The following DCAF5 variants were observed in gnomAD, a reference collection of about 807,000 sequenced individuals.
DCAF5 encodes the protein DDB1 and CUL4 associated factor 5.
A neutral mutation model predicts 80.7 loss-of-function variants in DCAF5; 9 were observed. That is an observed-to-expected ratio of 0.11 (90% CI 0.07 to 0.19). The LOEUF (loss-of-function observed/expected upper bound fraction) is 0.19. Ranked by LOEUF, DCAF5 falls within the 10% of genes least tolerant of loss-of-function variation. DCAF5 has a pLI of 1.00. For missense variants in DCAF5, 842 were observed against 1,205.7 expected (o/e 0.70, Z 4.47); for synonymous variants, 433 against 461.9 (o/e 0.94, Z 0.80).
At chr14:69,091,148 G>A (rs1420663171) in intron 6 of DCAF5, 7 of 745,160 alleles carry the variant, frequency 9.4e-6, no homozygotes, top group Admixed American at 5.3e-5. Context: ...TCCATTTCCA[G>A]TTGTGATGCT....
chr14:69,136,086 C>G (rs957727944), intron 1 of DCAF5, among the ~76,000 whole-genome samples: 3 of 151,110 alleles, frequency 2.0e-5, no homozygotes, highest in African/African-American at 7.3e-5. Flanking sequence ...ACATGCTCTT[C>G]CCTTTTATAA....
intron 7 of DCAF5, among the ~76,000 whole-genome samples, chr14:69,074,757 G>A (rs566581167): frequency 3.9e-5 from 6 of 152,276 alleles, no homozygotes; most frequent in African/African-American, 1.4e-4. Flanking sequence ...GTGTGGGCTG[G>A]GTGCGGTGGC....
At chr14:69,093,637 T>A (rs1424870315) in intron 5 of DCAF5, among the ~76,000 whole-genome samples, 2 of 152,176 alleles carry the variant, frequency 1.3e-5, no homozygotes, top group African/African-American at 4.8e-5. Flanking sequence ...CCAACCTAGC[T>A]TGGTCACAAA....
intron 1 of DCAF5, among the ~76,000 whole-genome samples, chr14:69,151,596 C>A (rs916099459): frequency 5.3e-5 from 8 of 152,104 alleles, no homozygotes; most frequent in Non-Finnish European, 1.0e-4. Context: ...GCCGTCTTCA[C>A]CCCCCCTCCC....
intron 5 of DCAF5, among the ~76,000 whole-genome samples, chr14:69,105,929 A>ATATATATATATATATATATATATC (rs1457390784): frequency 7.2e-5 from 6 of 83,014 alleles, no homozygotes; most frequent in Non-Finnish European, 1.5e-4. Flanking sequence ...ATATATATAT[A>ATATATATATATATATATATATATC]TATATATATA....
chr14:69,118,028 T>C lies in DCAF5; in HGVS notation c.535+111A>G, dbSNP rs1005250242. The C allele has an allele frequency of 6.5e-5, 94 of 1,449,404 alleles. No individual in the cohort carries two copies. The highest frequency in any genetic ancestry group is 8.1e-5 in the Non-Finnish European group (85 of 1,050,452). 89.8% of individuals were successfully genotyped at this position (1,449,404 alleles called of 1,614,324 possible). A position where few individuals can be genotyped will look rare whatever the true frequency, so the allele number is the denominator to read the frequency against. ...CCCATGTGAGTGTTTCACATTTCCT[T>C]TCCCTTGACATCACTTGCACATAGA... On this transcript the variant is annotated intron_variant, in intron 4 of 8. Transcript: ENST00000341516. The surrounding 1 kb of genome is among the most constrained non-coding windows in gnomAD (Gnocchi z 4.0).
At chr14:69,110,876 C>CA (rs35812611) in intron 5 of DCAF5, among the ~76,000 whole-genome samples, 2,318 of 45,508 alleles carry the variant, frequency 0.051, 443 homozygotes, top group African/African-American at 0.16. Context: ...GACCCTGTCT[C>CA]AAAAAAAAAA....
At chr14:69,109,971 T>C (rs2040298607) in intron 5 of DCAF5, among the ~76,000 whole-genome samples, 1 of 152,194 alleles carries the variant, frequency 6.6e-6, no homozygotes, top group Non-Finnish European at 1.5e-5. Context: ...CATACCCTTG[T>C]TAACACCTAA....
At chr14:69,096,130 G>T (rs2039704378) in intron 5 of DCAF5, among the ~76,000 whole-genome samples, 1 of 152,314 alleles carries the variant, frequency 6.6e-6, no homozygotes, top group African/African-American at 2.4e-5. Context: ...AGCAAGTTCA[G>T]GGAGTCACAG....
intron 1 of DCAF5, among the ~76,000 whole-genome samples, chr14:69,132,897 T>C (rs1458211173): frequency 6.6e-6 from 1 of 152,250 alleles, no homozygotes; most frequent in African/African-American, 2.4e-5. Flanking sequence ...CTCTAAATTA[T>C]AGTCCTCCCA....
At chr14:69,149,861 T>C (rs978794329) in intron 1 of DCAF5, among the ~76,000 whole-genome samples, 2 of 152,230 alleles carry the variant, frequency 1.3e-5, no homozygotes, top group Non-Finnish European at 2.9e-5. Flanking sequence ...ACTCAGGTGT[T>C]GACTGCTAAT....
chr14:69,059,878 C>T (rs1285516999), intron 8 of DCAF5, among the ~76,000 whole-genome samples: 1 of 152,214 alleles, frequency 6.6e-6, no homozygotes, highest in Non-Finnish European at 1.5e-5. Flanking sequence ...CAGTGAGCTC[C>T]ATAGTTCAGT....
Position 69,152,747 on chromosome 14 carries a change from G to A in DCAF5, c.214+18C>T, listed in dbSNP as rs748162284. The A allele has an allele frequency of 1.0e-5, 16 of 1,606,124 alleles. No homozygotes were observed. In the African/African-American group the frequency reaches 1.6e-4, roughly 16 times the overall value. On this transcript the variant is annotated intron_variant, in intron 1 of 8. Coordinates refer to ENST00000341516, the MANE Select transcript of DCAF5 (RefSeq NM_003861.3). The surrounding 1 kb of genome is among the most constrained non-coding windows in gnomAD (Gnocchi z 4.1). The stretch of plus-strand genomic sequence containing the variant: ...GAGGGTGCGGGGAGGCGCGGGGAGG[G>A]GAAGGGGGTTGATTTACCTGAGACC...
In DCAF5 at chr14:69,150,588, A is replaced by AT. The variant is rs1266670511; in HGVS notation, c.214+2176dup. Among the ~76,000 whole-genome samples the AT allele has an allele frequency of 5.9e-5, 9 of 152,050 alleles. No homozygotes were observed. In the East Asian group the frequency reaches 1.2e-3, roughly 20 times the overall value. On this transcript the variant is annotated intron_variant, in intron 1 of 8. Coordinates refer to ENST00000341516, the MANE Select transcript of DCAF5 (RefSeq NM_003861.3). ...TGGAAATTATCTCAATAAATTTGTT[A>AT]TTTTTTTTAAAGTGTGAGCTAGGCA...
At chr14:69,135,625 C>A (rs1422362944) in intron 1 of DCAF5, among the ~76,000 whole-genome samples, 2 of 152,034 alleles carry the variant, frequency 1.3e-5, no homozygotes, top group Non-Finnish European at 2.9e-5. Flanking sequence ...ATAAGATGAG[C>A]CTGTCACCTC....
intron 5 of DCAF5, among the ~76,000 whole-genome samples, chr14:69,095,251 G>C (rs150158627): frequency 4.3e-4 from 66 of 152,274 alleles, no homozygotes; most frequent in African/African-American, 1.5e-3. Context: ...TACTCCTTCA[G>C]AGAAGTGGCC....
chr14:69,091,795 C>T lies in DCAF5; in HGVS notation c.758G>A (p.Arg253Gln). 2 of 1,614,142 alleles carry T rather than the reference C, an allele frequency of 1.2e-6. No individual in the cohort carries two copies. The highest frequency in any genetic ancestry group is 1.7e-6 in the Non-Finnish European group (2 of 1,180,020). ...GTCATAGAGCACAGGGGGCAGGCGT[C>T]GCCTCAGGGCCAGGAGCTGGGTCCC... ...SNGTQLLALR[R>Q]RLPPVLYDIH... Residue 253 changes from arginine to glutamine, a missense_variant, in exon 6 of 9, where the codon CGA becomes CAA. Arg to Gln is a conservative substitution (Grantham distance 43, BLOSUM62 1). Transcript: ENST00000341516.
At chr14:69,136,491 TACAC>T (rs1012099956) in intron 1 of DCAF5, among the ~76,000 whole-genome samples, 17 of 152,196 alleles carry the variant, frequency 1.1e-4, no homozygotes, top group African/African-American at 4.1e-4. Flanking sequence ...TTATGACAGA[TACAC>T]ACAGATTTGA....
At chr14:69,080,328 A>G (rs1435115306) in intron 6 of DCAF5, among the ~76,000 whole-genome samples, 1 of 152,158 alleles carries the variant, frequency 6.6e-6, no homozygotes, top group East Asian at 1.9e-4. Flanking sequence ...CTGCAGGTCT[A>G]GGCGGGCCAT....
Sources: allele counts gnomAD v4.1 joint callset (sites outside exome capture counted in the v4.1 genomes callset), GRCh38; gene constraint gnomAD v4.1.1; non-coding constraint Gnocchi (gnomAD v3.1); transcripts MANE v1.5; gene names NCBI Gene and HGNC (gene_info 2026-07-23, HGNC 2026-07-21).